The following DENND5B variants were observed in gnomAD, a reference collection of about 807,000 sequenced individuals.
The protein encoded by DENND5B is DENN domain containing 5B.
A neutral mutation model predicts 140.6 loss-of-function variants in DENND5B; 34 were observed. That is an observed-to-expected ratio of 0.24 (90% confidence interval 0.18 to 0.32). The LOEUF (loss-of-function observed/expected upper bound fraction) is 0.32. Ranked by LOEUF, DENND5B falls within the 10% of genes least tolerant of loss-of-function variation. The pLI, the probability that DENND5B is intolerant of heterozygous loss-of-function variation, is 1.00. For synonymous variants in DENND5B, 551 were observed against 562.1 expected (o/e 0.98, Z 0.28); for missense variants, 1,142 against 1,560.2 (o/e 0.73, Z 4.52).
chr12:31,452,567 T>C, intron 4 of DENND5B, 91 bp from the exon 5 acceptor site: 2 of 1,366,686 alleles, frequency 1.5e-6, no homozygotes, highest in Non-Finnish European at 1.9e-6. Context: ...GGCTCACACA[T>C]AATCCCAGCA....
At chr12:31,459,921 A>G (rs1009927793) in intron 4 of DENND5B, among the ~76,000 whole-genome samples, 2 of 152,246 alleles carry the variant, frequency 1.3e-5, no homozygotes, top group African/African-American at 4.8e-5. Flanking sequence ...ACTAGAATAA[A>G]GCAATGAGAT....
chr12:31,395,063 G>T (rs1941360945), intron 17 of DENND5B, among the ~76,000 whole-genome samples: 1 of 151,998 alleles, frequency 6.6e-6, no homozygotes, highest in Non-Finnish European at 1.5e-5. Flanking sequence ...GATGTATATT[G>T]GGGTTGTTTC....
In DENND5B at chr12:31,561,469, A is replaced by G. The variant is rs183052003; in HGVS notation, c.127+29237T>C. Among the ~76,000 whole-genome samples, 30 of 152,260 alleles carry G rather than the reference A, an allele frequency of 2.0e-4. No individual in the cohort carries two copies. The East Asian group carries it at 3.9e-3, about 20-fold the overall frequency. ...TGAGACCCTGTCTCAAATAATAATAATAACAACAACAACAATTTATGCTCC... is the reference window on the plus strand; with the variant it reads ...TGAGACCCTGTCTCAAATAATAATAGTAACAACAACAACAATTTATGCTCC... On this transcript the variant is annotated intron_variant, in intron 1 of 20. Coordinates refer to ENST00000389082, the MANE Select transcript of DENND5B (RefSeq NM_144973.4).
rs116318674 is a variant in DENND5B, at chr12:31,557,601, C to T, written c.127+33105G>A. On this transcript the variant is annotated intron_variant, in intron 1 of 20. Coordinates refer to ENST00000389082, the MANE Select transcript of DENND5B (RefSeq NM_144973.4). ...TTCACCATGTCACCCAGGCTGATCT[C>T]GAACTTTGTTTTTAAAGGCAAAAAG... Among the ~76,000 whole-genome samples, 644 of 151,830 alleles carry T rather than the reference C, an allele frequency of 4.2e-3. 5 individuals carry two copies. Among genetic ancestry groups the T allele is most frequent in the African/African-American group, 0.014 (581 of 41,392 alleles).
At chr12:31,465,956 A>G (rs1945245099) in intron 3 of DENND5B, 1 of 152,310 alleles carries the variant, frequency 6.6e-6, no homozygotes, top group South Asian at 2.1e-4. Context: ...GTGACCAAAA[A>G]ATGTCAAAGA....
At chr12:31,508,443 TA>T (rs1947287381) in intron 1 of DENND5B, among the ~76,000 whole-genome samples, 1 of 152,220 alleles carries the variant, frequency 6.6e-6, no homozygotes, top group South Asian at 2.1e-4. Flanking sequence ...TTTGTTCTAC[TA>T]ATGTAAAATA....
chr12:31,526,689 T>C (rs1231988890), intron 1 of DENND5B, among the ~76,000 whole-genome samples: 2 of 152,176 alleles, frequency 1.3e-5, no homozygotes, highest in East Asian at 3.8e-4. Context: ...AGTGGAAAAA[T>C]TCACGAAATC....
rs1940876859 is a variant in DENND5B, at chr12:31,386,915, C to A, written c.*688G>T. ...TATAATCCCACAATTGAACACATTT[C>A]TCAGAGCTTTGTATGTTCTCTTTCC... On this transcript the variant is annotated 3_prime_UTR_variant, in exon 21 of 21. Transcript: ENST00000389082. The A allele has an allele frequency of 6.6e-6, 1 of 152,210 alleles. No homozygotes were observed. The highest frequency in any genetic ancestry group is 1.5e-5 in the Non-Finnish European group (1 of 68,034). The allele number at this position is 152,210 out of a possible 1,614,324, so 9.4% of individuals were successfully genotyped here.
At chr12:31,423,761 C>A in intron 10 of DENND5B, 86 bp from the exon 11 acceptor site, 1 of 1,389,134 alleles carries the variant, frequency 7.2e-7, no homozygotes, top group Non-Finnish European at 1.0e-6. Context: ...ATTCCAATAG[C>A]CATTTAGAAG....
chr12:31,580,164 T>G (rs1421164293), intron 1 of DENND5B, among the ~76,000 whole-genome samples: 2 of 152,046 alleles, frequency 1.3e-5, no homozygotes, highest in Admixed American at 1.3e-4. Flanking sequence ...TCATAAATAC[T>G]GCCCATCATT....
chr12:31,574,196 G>C (rs1391524945), intron 1 of DENND5B, among the ~76,000 whole-genome samples: 1 of 151,130 alleles, frequency 6.6e-6, no homozygotes, highest in Non-Finnish European at 1.5e-5. Context: ...CCGGGAGATC[G>C]AGGCTGCAGT....
At chr12:31,473,620 G>A (rs138320285) in intron 3 of DENND5B, among the ~76,000 whole-genome samples, 54 of 152,306 alleles carry the variant, frequency 3.5e-4, no homozygotes, top group African/African-American at 1.2e-3. Flanking sequence ...ACAACTATCA[G>A]GGTGCTGGAC....
intron 6 of DENND5B, among the ~76,000 whole-genome samples, chr12:31,445,357 A>ACT (rs1944230472): frequency 6.6e-6 from 1 of 152,038 alleles, no homozygotes; most frequent in African/African-American, 2.4e-5. Context: ...AAGTTACTTA[A>ACT]CCTCTCAGTT....
At position 31,387,533 on chromosome 12, in the gene DENND5B, G is replaced by C. The variant is rs1420638152; in HGVS notation, c.*70C>G. ...CCCCTGCAGTGACTCACTACTGTCA[G>C]ACAAGTCCAAATCGGTCCCCTAGTT... On this transcript the variant is annotated 3_prime_UTR_variant, in exon 21 of 21. Transcript: ENST00000389082. 6.5e-7 allele frequency: 1 copy of C among 1,530,080 alleles called. No homozygotes were observed. Among genetic ancestry groups the C allele is most frequent in the African/African-American group, 1.4e-5 (1 of 73,532 alleles). The allele number at this position is 1,530,080 out of a possible 1,614,324, so 94.8% of individuals were successfully genotyped here. A position where few individuals can be genotyped will look rare whatever the true frequency, so the allele number is the denominator to read the frequency against.
chr12:31,501,265 A>C (rs1051643290), intron 1 of DENND5B, among the ~76,000 whole-genome samples: 1 of 152,150 alleles, frequency 6.6e-6, no homozygotes, highest in African/African-American at 2.4e-5. Context: ...GCTTTCCCCC[A>C]CTTCACTCTG....
rs536939309 is a variant in DENND5B at position 31,511,008 on chromosome 12, A to C, written c.128-15089T>G. 5.3e-5 allele frequency among the ~76,000 whole-genome samples: 8 copies of C among 152,240 alleles called. No individual in the cohort carries two copies. In the South Asian group the frequency reaches 1.7e-3, roughly 32 times the overall value. ...CATTTTGGGAGGTCAAGGCGGGGGA[A>C]ATAACTTGAGCCCAGGAGTTTGAGA... On this transcript the variant is annotated intron_variant, in intron 1 of 20. Transcript: ENST00000389082.
intron 6 of DENND5B, among the ~76,000 whole-genome samples, chr12:31,445,581 T>TGTA (rs1353573927): frequency 6.6e-6 from 1 of 152,016 alleles, no homozygotes; most frequent in East Asian, 1.9e-4. Context: ...GGCATGCATC[T>TGTA]GTAGTCCCAG....
At chr12:31,559,013 T>C (rs1949387817) in intron 1 of DENND5B, among the ~76,000 whole-genome samples, 1 of 152,200 alleles carries the variant, frequency 6.6e-6, no homozygotes, top group Non-Finnish European at 1.5e-5. Flanking sequence ...CCTTCAAATA[T>C]AGATCATATA....
chr12:31,389,456 T>C lies in DENND5B; in HGVS notation c.3509A>G (p.Asp1170Gly), dbSNP rs1282663347. Residue 1170 changes from aspartate (D) to glycine (G), a missense_variant, in exon 20 of 21, where the codon GAT (aspartate) becomes GGT (glycine). This residue lies in a region of DENND5B where 125 missense variants were observed against 179.0 expected (regional missense o/e 0.70). Coordinates refer to ENST00000389082, the MANE Select transcript of DENND5B (RefSeq NM_144973.4). ...AYFETTDQIL[D>G]NEDDVLIQKS... is the part of the protein sequence containing the mutation. ...CTGAATAAGGACATCATCTTCATTA[T>C]CTAGAATCTGGTCAGTTGTTTCAAA... 4 of 1,602,344 alleles carry C rather than the reference T, an allele frequency of 2.5e-6. No homozygotes were observed. In the East Asian group the frequency reaches 6.7e-5, roughly 27 times the overall value.
Sources: gnomAD v4.1 joint callset for allele counts (sites outside exome capture counted in the v4.1 genomes callset) on GRCh38, gnomAD v4.1.1 for gene constraint, gnomAD v4.1.1 regional missense constraint, MANE v1.5 for transcripts, NCBI Gene and HGNC (gene_info 2026-07-23, HGNC 2026-07-21) for gene names.